PTPRN2: variants seen among roughly 807,000 people sequenced by gnomAD.
PTPRN2 encodes protein tyrosine phosphatase receptor type N2, also known as receptor-type tyrosine-protein phosphatase N2.
PTPRN2 carries 74 observed loss-of-function variants against 118.8 expected under a neutral mutation model. The observed-to-expected ratio is 0.62, with a 90% CI of 0.52 to 0.76. The LOEUF is 0.76. PTPRN2 is among the 30% of genes least tolerant of loss of function. PTPRN2 has a pLI of 0.00. For synonymous variants in PTPRN2, 641 were observed against 608.0 expected, an observed-to-expected ratio of 1.05 and a Z score of -0.80; for missense variants, 1,481 against 1,394.4, an observed-to-expected ratio of 1.06 and a Z score of -0.99.
intron 3 of PTPRN2, among the ~76,000 whole-genome samples, chr7:158,216,197 C>A (rs1159982042): frequency 6.6e-6 from 1 of 151,896 alleles, no homozygotes; most frequent in Non-Finnish European, 1.5e-5. Context: ...AATATTATAT[C>A]TAGAACAATA....
chr7:157,948,210 C>G (rs1585068831), intron 11 of PTPRN2, among the ~76,000 whole-genome samples: 1 of 152,160 alleles, frequency 6.6e-6, no homozygotes, highest in African/African-American at 2.4e-5. Flanking sequence ...CTTTTGTCTT[C>G]TATATGATTT....
intron 14 of PTPRN2, among the ~76,000 whole-genome samples, chr7:157,646,944 A>ACTGAACTCGGTGGGTCGGACCCATCCG (rs1805130763): frequency 7.3e-6 from 1 of 136,322 alleles, no homozygotes; most frequent in Non-Finnish European, 1.6e-5. Flanking sequence ...AGACCCATCC[A>ACTGAACTCGGTGGGTCGGACCCATCCG]GGGTGCACTG....
At position 158,529,779 on chromosome 7, in the gene PTPRN2, C is replaced by G. The variant is rs1038255031; in HGVS notation, c.113-39994G>C. On this transcript the variant is annotated intron_variant, in intron 1 of 22. Transcript: ENST00000389418. This position sits in a 1 kb window ranked among gnomAD's most constrained non-coding sequence, Gnocchi z 4.7. ...GGAGCAGGACCAGCTCACAGTCTCCCCAGGCCTCCCCAGCCAGCATGAGTT... is the reference window on the plus strand; with the variant it reads ...GGAGCAGGACCAGCTCACAGTCTCCGCAGGCCTCCCCAGCCAGCATGAGTT... 6.6e-6 allele frequency among the ~76,000 whole-genome samples: 1 copy of G among 152,134 alleles called. No homozygotes were observed. The highest frequency in any genetic ancestry group is 1.5e-5 in the Non-Finnish European group (1 of 68,004).
chr7:158,224,859 G>T (rs1187195163), intron 3 of PTPRN2, among the ~76,000 whole-genome samples: 2 of 152,116 alleles, frequency 1.3e-5, no homozygotes, highest in Admixed American at 6.5e-5. Context: ...AATATACACA[G>T]AACTCTCAAA....
chr7:158,048,308 C>T (rs1183039983), intron 11 of PTPRN2, among the ~76,000 whole-genome samples: 1 of 152,118 alleles, frequency 6.6e-6, no homozygotes, highest in Non-Finnish European at 1.5e-5. Context: ...GGGGAAAAGT[C>T]CTACATGCAT....
intron 2 of PTPRN2, among the ~76,000 whole-genome samples, chr7:158,407,220 G>GGGT (rs1813592554): frequency 3.9e-5 from 2 of 51,256 alleles, no homozygotes; most frequent in African/African-American, 1.5e-4. Flanking sequence ...CCTGCGTCCT[G>GGGT]CGTCCTGGGT....
At chr7:158,258,447 G>A (rs777954435) in intron 3 of PTPRN2, among the ~76,000 whole-genome samples, 4 of 152,214 alleles carry the variant, frequency 2.6e-5, no homozygotes, top group East Asian at 1.9e-4. Context: ...GAATCGCCGC[G>A]AGACGACCCT....
chr7:158,530,939 C>T (rs987484949), intron 1 of PTPRN2, among the ~76,000 whole-genome samples: 5 of 151,994 alleles, frequency 3.3e-5, no homozygotes, highest in Non-Finnish European at 2.9e-5. Context: ...AAAACATACA[C>T]GTGTGTGTGT....
intron 3 of PTPRN2, among the ~76,000 whole-genome samples, chr7:158,249,075 CCACACACACCACACATATGCACACAT>C (rs1406641322): frequency 4.0e-5 from 6 of 149,802 alleles, no homozygotes; most frequent in African/African-American, 1.5e-4. Context: ...CACACATACA[CCACACACACCACACATATGCACACAT>C]CACACACACA....
intron 12 of PTPRN2, among the ~76,000 whole-genome samples, chr7:157,821,601 G>A (rs997244643): frequency 2.0e-5 from 3 of 152,198 alleles, no homozygotes; most frequent in African/African-American, 4.8e-5. Flanking sequence ...AGTTGATGAG[G>A]ATTGAAGAGT....
chr7:157,550,646 A>C lies in PTPRN2; in HGVS notation c.2903-1627T>G, dbSNP rs928692113. The stretch of plus-strand genomic sequence containing the variant: ...TCGGGGCTAAGCTGGCCGTCCCTCC[A>C]GCTCCCATCCCCTGGTTAAAGGACC... On this transcript the variant is annotated intron_variant, in intron 21 of 22. Coordinates refer to ENST00000389418, the MANE Select transcript of PTPRN2 (RefSeq NM_002847.5). This position sits in a 1 kb window ranked among gnomAD's most constrained non-coding sequence, Gnocchi z 5.2. 6.6e-6 allele frequency among the ~76,000 whole-genome samples: 1 copy of C among 152,150 alleles called. No individual in the cohort carries two copies. The highest frequency in any genetic ancestry group is 1.5e-5 in the Non-Finnish European group (1 of 68,004).
At chr7:157,566,656 C>A (rs967135079) in intron 21 of PTPRN2, among the ~76,000 whole-genome samples, 1 of 152,244 alleles carries the variant, frequency 6.6e-6, no homozygotes, top group Admixed American at 6.5e-5. Context: ...GCGTATTGTC[C>A]AAAGCTGAGC....
At chr7:158,395,310 G>C (rs1586562965) in intron 2 of PTPRN2, among the ~76,000 whole-genome samples, 96 of 134,224 alleles carry the variant, frequency 7.2e-4, no homozygotes, top group East Asian at 1.6e-3. Context: ...AGGGGCGAGG[G>C]GTGAGGGGCG....
chr7:158,551,667 G>A (rs1175380397), intron 1 of PTPRN2, among the ~76,000 whole-genome samples: 3 of 101,016 alleles, frequency 3.0e-5, no homozygotes, highest in East Asian at 8.7e-4. Context: ...CATTTGGGGG[G>A]CCCCAGCTCC....
At chr7:158,104,290 A>C (rs1339320559) in intron 10 of PTPRN2, among the ~76,000 whole-genome samples, 1 of 152,228 alleles carries the variant, frequency 6.6e-6, no homozygotes, top group African/African-American at 2.4e-5. Context: ...GGATGAAGAC[A>C]ATGGAGGTCA....
intron 12 of PTPRN2, among the ~76,000 whole-genome samples, chr7:157,772,362 C>G (rs1347444184): frequency 6.6e-6 from 1 of 151,942 alleles, no homozygotes; most frequent in Non-Finnish European, 1.5e-5. Flanking sequence ...CACACATACA[C>G]ACAGACACAG....
intron 5 of PTPRN2, among the ~76,000 whole-genome samples, chr7:158,179,785 C>T (rs1203343935): frequency 1.3e-5 from 2 of 152,166 alleles, no homozygotes; most frequent in African/African-American, 4.8e-5. Context: ...TAAGTCTCAC[C>T]CACCAATATG....
chr7:157,910,480 A>G (rs1438100011), intron 11 of PTPRN2, among the ~76,000 whole-genome samples: 1 of 150,132 alleles, frequency 6.7e-6, no homozygotes, highest in East Asian at 2.0e-4. Flanking sequence ...CGCCGTGGGG[A>G]CGGGTCCAGG....
In PTPRN2 at chr7:158,098,751, C is replaced by A. The variant is rs146825654; in HGVS notation, c.1643+12078G>T. 8.5e-3 allele frequency among the ~76,000 whole-genome samples: 1,290 copies of A among 152,176 alleles called. 26 individuals are homozygous for A. The highest frequency in any genetic ancestry group is 0.029 in the African/African-American group (1,197 of 41,496). ...TTTATCTCGTGAACGCGGGACGCTCCTTATGGGAGAGGAGTGGGAGACATG... is the reference window on the plus strand; with the variant it reads ...TTTATCTCGTGAACGCGGGACGCTCATTATGGGAGAGGAGTGGGAGACATG... On this transcript the variant is annotated intron_variant, in intron 10 of 22. Coordinates refer to ENST00000389418, the MANE Select transcript of PTPRN2 (RefSeq NM_002847.5).
Sources: allele counts gnomAD v4.1 joint callset (sites outside exome capture counted in the v4.1 genomes callset), GRCh38; gene constraint gnomAD v4.1.1; non-coding constraint Gnocchi (gnomAD v3.1); transcripts MANE v1.5; gene names NCBI Gene and HGNC (gene_info 2026-07-23, HGNC 2026-07-21).